RAB3GAP1: variants seen among roughly 807,000 people sequenced by gnomAD.
The protein encoded by RAB3GAP1 is rab3 GTPase-activating protein catalytic subunit.
RAB3GAP1 carries 86 observed loss-of-function variants against 130.7 expected under a neutral mutation model. That is an observed-to-expected ratio of 0.66 (90% CI 0.55 to 0.79). RAB3GAP1 has a LOEUF of 0.79. RAB3GAP1 is among the 30% of genes least tolerant of loss of function. The probability of loss-of-function intolerance (pLI) is 0.00; values close to 1 mark genes in which losing one functional copy is unlikely to be tolerated. For missense variants in RAB3GAP1, 1,029 were observed against 1,169.4 expected (o/e 0.88, Z 1.75); for synonymous variants, 367 against 401.7 (o/e 0.91, Z 1.03).
chr2:135,141,131 TTTC>T (rs1475404439), intron 17 of RAB3GAP1, among the ~76,000 whole-genome samples: 1 of 152,176 alleles, frequency 6.6e-6, no homozygotes, highest in Admixed American at 6.5e-5. Context: ...TGTCTTTTTT[TTTC>T]TTATTACTTT....
At chr2:135,057,789 G>T (rs184783045) in intron 2 of RAB3GAP1, among the ~76,000 whole-genome samples, 34 of 152,246 alleles carry the variant, frequency 2.2e-4, no homozygotes, top group African/African-American at 7.5e-4. Flanking sequence ...TGCTTTTGTT[G>T]GGTAAGCAAT....
At chr2:135,052,599 C>G (rs1688911632) in intron 2 of RAB3GAP1, 114 bp downstream of exon 2, 14 of 1,262,304 alleles carry the variant, frequency 1.1e-5, no homozygotes, top group Non-Finnish European at 1.6e-5. Flanking sequence ...ACGGTAATAC[C>G]GTGGGTCCCG....
At chr2:135,097,387 G>A (rs192629871) in intron 5 of RAB3GAP1, among the ~76,000 whole-genome samples, 37 of 151,706 alleles carry the variant, frequency 2.4e-4, no homozygotes, top group African/African-American at 8.9e-4. Flanking sequence ...GGCTAAGTTG[G>A]GTTTTTTATT....
intron 17 of RAB3GAP1, chr2:135,137,307 T>G (rs1422855398): frequency 4.1e-6 from 1 of 240,972 alleles, no homozygotes; most frequent in Non-Finnish European, 8.4e-6. Flanking sequence ...TTGAGTATGA[T>G]CGCTTAGGGT....
At chr2:135,056,771 G>A (rs1462075436) in intron 2 of RAB3GAP1, among the ~76,000 whole-genome samples, 1 of 152,116 alleles carries the variant, frequency 6.6e-6, no homozygotes, top group East Asian at 1.9e-4. Context: ...CCATGAATTA[G>A]TGTATGAATT....
intron 3 of RAB3GAP1, among the ~76,000 whole-genome samples, chr2:135,085,505 G>A (rs1689947923): frequency 6.6e-6 from 1 of 152,168 alleles, no homozygotes; most frequent in Non-Finnish European, 1.5e-5. Flanking sequence ...TTAAGGCAGT[G>A]ATCTTTATCT....
At chr2:135,053,101 C>G (rs1284273737) in intron 2 of RAB3GAP1, among the ~76,000 whole-genome samples, 3 of 152,316 alleles carry the variant, frequency 2.0e-5, no homozygotes, top group Admixed American at 1.3e-4. Context: ...AAGTGAAGCT[C>G]CCGCTTTAGC....
intron 5 of RAB3GAP1, among the ~76,000 whole-genome samples, chr2:135,111,842 T>C (rs1471671552): frequency 6.6e-6 from 1 of 152,236 alleles, no homozygotes; most frequent in Non-Finnish European, 1.5e-5. Flanking sequence ...ACAAAATGTT[T>C]ACTTTCCTTG....
At chr2:135,078,502 G>A (rs1186504739) in intron 3 of RAB3GAP1, among the ~76,000 whole-genome samples, 2 of 151,948 alleles carry the variant, frequency 1.3e-5, no homozygotes, top group Non-Finnish European at 2.9e-5. Flanking sequence ...GTTCCCATAT[G>A]TATTTGGATC....
chr2:135,101,049 A>G (rs1281747107), intron 5 of RAB3GAP1, among the ~76,000 whole-genome samples: 1 of 152,192 alleles, frequency 6.6e-6, no homozygotes, highest in Non-Finnish European at 1.5e-5. Context: ...GCACTTTTGA[A>G]ACTTGTAGGT....
chr2:135,153,591 C>A, intron 18 of RAB3GAP1, 58 bp from the exon 19 acceptor site: 1 of 1,508,444 alleles, frequency 6.6e-7, no homozygotes, highest in Non-Finnish European at 9.2e-7. Flanking sequence ...TGCAAACAGG[C>A]TTATCAGTAA....
chr2:135,075,388 T>C (rs553529906), intron 3 of RAB3GAP1, among the ~76,000 whole-genome samples: 1 of 152,222 alleles, frequency 6.6e-6, no homozygotes, highest in Non-Finnish European at 1.5e-5. Flanking sequence ...GTTCCATGTG[T>C]GCACATTATA....
At chr2:135,052,998 A>T (rs1012292871) in intron 2 of RAB3GAP1, among the ~76,000 whole-genome samples, 3 of 151,864 alleles carry the variant, frequency 2.0e-5, no homozygotes, top group Non-Finnish European at 4.4e-5. Context: ...TTTTATTTTT[A>T]TTTATTTTTG....
intron 3 of RAB3GAP1, among the ~76,000 whole-genome samples, chr2:135,072,910 C>G (rs571200413): frequency 6.6e-6 from 1 of 152,262 alleles, no homozygotes; most frequent in South Asian, 2.1e-4. Context: ...GAAGTTATCC[C>G]CCTTCAAGAG....
At chr2:135,105,207 TCTCCCC>T (rs1690560278) in intron 5 of RAB3GAP1, among the ~76,000 whole-genome samples, 2 of 30,204 alleles carry the variant, frequency 6.6e-5, no homozygotes, top group South Asian at 2.6e-3. Flanking sequence ...CCCCCTTCCC[TCTCCCC>T]CTCCCCCTTC....
intron 5 of RAB3GAP1, among the ~76,000 whole-genome samples, chr2:135,111,279 A>G (rs896582700): frequency 3.0e-4 from 46 of 152,236 alleles, no homozygotes; most frequent in African/African-American, 1.1e-3. Context: ...AAAATCTCTC[A>G]TAAGTTATTT....
Position 135,120,800 on chromosome 2 carries a change from C to T in RAB3GAP1, c.649-19C>T. The T allele has an allele frequency of 6.6e-7, 1 of 1,517,762 alleles. No homozygotes were observed. The highest frequency in any genetic ancestry group is 9.2e-7 in the Non-Finnish European group (1 of 1,092,430). The allele number at this position is 1,517,762 out of a possible 1,614,324, so 94.0% of individuals were successfully genotyped here. A position where few individuals can be genotyped will look rare whatever the true frequency, so the allele number is the denominator to read the frequency against. On this transcript the variant is annotated intron_variant, in intron 7 of 23. Transcript: ENST00000264158. ...GGTACCAGCATTTACACGGTATTGTCTTTGCATGTATTTCCTAGGGATGTC... is the reference window on the plus strand; with the variant it reads ...GGTACCAGCATTTACACGGTATTGTTTTTGCATGTATTTCCTAGGGATGTC...
intron 10 of RAB3GAP1, among the ~76,000 whole-genome samples, 160 bp from the exon 11 acceptor site, chr2:135,126,423 C>G (rs1691349398): frequency 6.6e-6 from 1 of 152,100 alleles, no homozygotes; most frequent in African/African-American, 2.4e-5. Flanking sequence ...TTTTTAAAAA[C>G]TTATCCAAAT....
intron 3 of RAB3GAP1, among the ~76,000 whole-genome samples, chr2:135,079,550 A>G (rs1389219230): frequency 6.6e-6 from 1 of 152,070 alleles, no homozygotes; most frequent in African/African-American, 2.4e-5. Flanking sequence ...CCCTATAGGG[A>G]ACTTTAGCTG....
Sources: gnomAD v4.1 joint callset for allele counts (sites outside exome capture counted in the v4.1 genomes callset) on GRCh38, gnomAD v4.1.1 for gene constraint, MANE v1.5 for transcripts, NCBI Gene and HGNC (gene_info 2026-07-23, HGNC 2026-07-21) for gene names.